AFF1: variants seen among roughly 807,000 people sequenced by gnomAD.
AFF1 encodes the protein ALF transcription elongation factor 1.
A neutral mutation model predicts 121.7 loss-of-function variants in AFF1; 48 were observed. The ratio of observed to expected loss-of-function variants is 0.39; its 90% CI spans 0.31 to 0.50. The LOEUF is 0.50. Ranked by LOEUF, AFF1 falls within the 20% of genes least tolerant of loss-of-function variation. The pLI is 0.76. For synonymous variants in AFF1, 613 were observed against 563.0 expected, an observed-to-expected ratio of 1.09 and a Z score of -1.26; for missense variants, 1,523 against 1,511.7, an observed-to-expected ratio of 1.01 and a Z score of -0.12.
chr4:86,949,545 T>A (rs866878183), intron 2 of AFF1: 17,983 of 346,034 alleles, frequency 0.052, 513 homozygotes, highest in African/African-American at 0.12. Flanking sequence ...TTATTTTTTT[T>A]TTTTTTTTTT....
At chr4:86,947,532 C>G (rs1392176039) in intron 1 of AFF1, among the ~76,000 whole-genome samples, 1 of 152,206 alleles carries the variant, frequency 6.6e-6, no homozygotes, top group African/African-American at 2.4e-5. Flanking sequence ...TTTGTCCAGT[C>G]TGTACTAAGA....
At chr4:87,032,545 A>G (rs1414751276) in intron 2 of AFF1, among the ~76,000 whole-genome samples, 1 of 152,156 alleles carries the variant, frequency 6.6e-6, no homozygotes, top group African/African-American at 2.4e-5. Context: ...TATGCAAATA[A>G]GGTTAGGTAT....
intron 2 of AFF1, among the ~76,000 whole-genome samples, chr4:87,027,874 A>G (rs1224738156): frequency 6.8e-6 from 1 of 146,024 alleles, no homozygotes; most frequent in African/African-American, 2.6e-5. Context: ...GCCCATTGCA[A>G]CCTCTGCCTC....
intron 2 of AFF1, among the ~76,000 whole-genome samples, chr4:87,017,713 A>G (rs1411615505): frequency 6.6e-6 from 1 of 152,216 alleles, no homozygotes; most frequent in African/African-American, 2.4e-5. Flanking sequence ...TCACATGCAA[A>G]GATAAGTTAT....
At chr4:87,045,608 T>C (rs982134232) in intron 2 of AFF1, among the ~76,000 whole-genome samples, 3 of 152,148 alleles carry the variant, frequency 2.0e-5, no homozygotes, top group Non-Finnish European at 2.9e-5. Context: ...ATAAAAATCA[T>C]TTTTTGTGGG....
chr4:87,022,579 T>TACAC (rs1560547288), intron 2 of AFF1, among the ~76,000 whole-genome samples: 40 of 89,092 alleles, frequency 4.5e-4, no homozygotes, highest in African/African-American at 2.0e-3. Flanking sequence ...TATATATATA[T>TACAC]ATATCTATCT....
intron 1 of AFF1, among the ~76,000 whole-genome samples, chr4:86,940,228 A>G (rs1217737750): frequency 6.6e-6 from 1 of 152,206 alleles, no homozygotes. Context: ...CCACAGTTTC[A>G]TGGACCCCTG....
At chr4:86,956,257 G>A (rs1311152128) in intron 2 of AFF1, among the ~76,000 whole-genome samples, 1 of 152,166 alleles carries the variant, frequency 6.6e-6, no homozygotes, top group Non-Finnish European at 1.5e-5. Flanking sequence ...ATTGTCATAT[G>A]TAGTTTAAGA....
At chr4:87,115,849 T>C (rs933564426) in intron 12 of AFF1, among the ~76,000 whole-genome samples, 2 of 152,002 alleles carry the variant, frequency 1.3e-5, no homozygotes, top group Non-Finnish European at 2.9e-5. Flanking sequence ...GAGCTCAAGT[T>C]ATCCACCCGC....
chr4:87,000,452 T>TA (rs1472013636), intron 2 of AFF1, among the ~76,000 whole-genome samples: 1 of 152,248 alleles, frequency 6.6e-6, no homozygotes, highest in African/African-American at 2.4e-5. Flanking sequence ...TATTTCATAG[T>TA]AATAGACCAA....
chr4:87,065,023 A>G (rs965124035), intron 4 of AFF1, among the ~76,000 whole-genome samples: 1 of 151,814 alleles, frequency 6.6e-6, no homozygotes, highest in Non-Finnish European at 1.5e-5. Flanking sequence ...TGGCTGACAG[A>G]CTCTGTCACA....
At chr4:86,966,590 G>GA (rs33920945) in intron 2 of AFF1, among the ~76,000 whole-genome samples, 66 of 148,896 alleles carry the variant, frequency 4.4e-4, no homozygotes, top group East Asian at 2.6e-3. Context: ...TGGCTCACAG[G>GA]AAAAAAAAAA....
rs1724341495 is a variant in AFF1 at position 87,091,796 on chromosome 4, T to C, written c.1195T>C (p.Ser399Pro). 1 of 1,547,862 alleles carries C rather than the reference T, an allele frequency of 6.5e-7. No individual in the cohort carries two copies. Residue 399 changes from serine to proline, a missense_variant, in exon 7 of 21, where the codon TCT becomes CCT. By Grantham distance (74) the Ser-to-Pro change is moderately conservative. Around this residue, in one of 5 missense-constraint regions of AFF1, gnomAD observed 905 missense variants for 842.5 expected, o/e 1.07. Transcript: ENST00000395146. ...PSKFPFPTKDSQHVSSVTQNQ... is the reference protein window; with the variant it reads ...PSKFPFPTKDPQHVSSVTQNQ... ...GATATTTTTATTTTCTTTCTAGGAC[T>C]CTCAGCATGTCAGTTCTGTAACCCA...
At chr4:87,121,896 G>T (rs1457882917) in intron 12 of AFF1, among the ~76,000 whole-genome samples, 6 of 152,220 alleles carry the variant, frequency 3.9e-5, no homozygotes, top group Non-Finnish European at 7.3e-5. Flanking sequence ...GTATCTTCAT[G>T]TGTGGTCTAT....
chr4:86,973,500 A>G (rs1425242644), intron 2 of AFF1, among the ~76,000 whole-genome samples: 1 of 152,174 alleles, frequency 6.6e-6, no homozygotes, highest in Non-Finnish European at 1.5e-5. Flanking sequence ...TAGAGAAAAA[A>G]GGAAGTATGT....
chr4:87,112,129 G>A (rs553199597), intron 11 of AFF1, among the ~76,000 whole-genome samples: 2 of 152,304 alleles, frequency 1.3e-5, no homozygotes, highest in South Asian at 2.1e-4. Flanking sequence ...GGCAAGTGAT[G>A]TATCTCACTA....
intron 4 of AFF1, among the ~76,000 whole-genome samples, chr4:87,062,748 CAT>C (rs3035539): frequency 0.42 from 63,279 of 151,782 alleles, 13,595 homozygotes; most frequent in African/African-American, 0.53. Context: ...ATAGAAAACT[CAT>C]GTGTTCTGTA....
At chr4:87,092,330 G>C (rs762328489) in intron 7 of AFF1, among the ~76,000 whole-genome samples, 1 of 152,132 alleles carries the variant, frequency 6.6e-6, no homozygotes, top group Non-Finnish European at 1.5e-5. Flanking sequence ...TAATAAAGAT[G>C]TTTTAGTGAA....
Position 87,137,020 on chromosome 4 carries a change from T to C in AFF1, c.*1319T>C, listed in dbSNP as rs1560670725. Reference sequence around the variant, plus strand: ...GTGTATGCATTAAACCAAGTCCATTTTGAATGACCTAAAATGAAGTAACAC... The same window carrying C: ...GTGTATGCATTAAACCAAGTCCATTCTGAATGACCTAAAATGAAGTAACAC... On this transcript the variant is annotated 3_prime_UTR_variant, in exon 21 of 21. Transcript: ENST00000395146. 4.5e-6 allele frequency: 1 copy of C among 223,530 alleles called. No homozygotes were observed. The highest frequency in any genetic ancestry group is 8.9e-6 in the Non-Finnish European group (1 of 111,824). The allele number at this position is 223,530 out of a possible 1,614,324, so 13.8% of individuals were successfully genotyped here.
Sources: gnomAD v4.1 joint callset for allele counts (sites outside exome capture counted in the v4.1 genomes callset) on GRCh38, gnomAD v4.1.1 for gene constraint, gnomAD v4.1.1 regional missense constraint, MANE v1.5 for transcripts, NCBI Gene and HGNC (gene_info 2026-07-23, HGNC 2026-07-21) for gene names.